Variants in ARHGAP21 observed in about 807,000 individuals in gnomAD.
The protein encoded by ARHGAP21 is rho GTPase-activating protein 21.
In ARHGAP21, 38 loss-of-function variants were observed where a neutral mutation model predicts 164.6. The ratio of observed to expected loss-of-function variants is 0.23; its 90% CI spans 0.18 to 0.30. The LOEUF (loss-of-function observed/expected upper bound fraction) is 0.30. ARHGAP21 is among the 10% of genes least tolerant of loss of function. ARHGAP21 has a pLI of 1.00. For synonymous variants in ARHGAP21, 766 were observed against 857.9 expected, an observed-to-expected ratio of 0.89 and a Z score of 1.87; for missense variants, 1,822 against 2,370.7, an observed-to-expected ratio of 0.77 and a Z score of 4.81.
At chr10:24,617,826 T>C (rs1286735457) in intron 9 of ARHGAP21, among the ~76,000 whole-genome samples, 1 of 152,118 alleles carries the variant, frequency 6.6e-6, no homozygotes, top group Admixed American at 6.5e-5. Context: ...AAGAGAAGCA[T>C]ATTATATTGT....
At chr10:24,690,214 T>C (rs1456081625) in intron 2 of ARHGAP21, among the ~76,000 whole-genome samples, 1 of 152,186 alleles carries the variant, frequency 6.6e-6, no homozygotes, top group Admixed American at 6.5e-5. Flanking sequence ...GACCAGTGTC[T>C]ATGAAAAACC....
At chr10:24,645,468 C>T (rs1024913697) in intron 4 of ARHGAP21, among the ~76,000 whole-genome samples, 2 of 151,876 alleles carry the variant, frequency 1.3e-5, no homozygotes, top group African/African-American at 2.4e-5. Flanking sequence ...CCTGTAGTCC[C>T]AGCTACTAGG....
chr10:24,587,662 A>G (rs1424703268), intron 25 of ARHGAP21, among the ~76,000 whole-genome samples: 1 of 152,176 alleles, frequency 6.6e-6, no homozygotes, highest in Non-Finnish European at 1.5e-5. Context: ...TGGGCTCTCA[A>G]TTGGGAGACC....
At chr10:24,707,976 T>C (rs796269593) in intron 2 of ARHGAP21, among the ~76,000 whole-genome samples, 3 of 152,344 alleles carry the variant, frequency 2.0e-5, no homozygotes, top group African/African-American at 7.2e-5. Flanking sequence ...TCTGCCTGTA[T>C]ACAGCAGTGT....
chr10:24,705,706 CTTG>C (rs1844160695), intron 2 of ARHGAP21, among the ~76,000 whole-genome samples: 1 of 152,264 alleles, frequency 6.6e-6, no homozygotes, highest in African/African-American at 2.4e-5. Flanking sequence ...TATTAAATAA[CTTG>C]TTTTTAGTAA....
chr10:24,608,040 AT>A, intron 9 of ARHGAP21, 137 bp from the exon 10 acceptor site: 1 of 673,702 alleles, frequency 1.5e-6, no homozygotes, highest in Non-Finnish European at 2.3e-6. Flanking sequence ...TAAATGACCT[AT>A]TCAGTCTGCT....
At chr10:24,630,623 C>T (rs1195386631) in intron 6 of ARHGAP21, among the ~76,000 whole-genome samples, 2 of 152,138 alleles carry the variant, frequency 1.3e-5, no homozygotes, top group Non-Finnish European at 2.9e-5. Context: ...TCCCAAGTAG[C>T]TGGGACTACA....
rs1485607617 is a variant in ARHGAP21 at position 24,635,025 on chromosome 10, G to C, written c.347C>G (p.Ala116Gly). Residue 116 changes from alanine (A) to glycine (G), a missense_variant, in exon 5 of 26, where the codon GCT becomes GGT. Around this residue, in one of 5 missense-constraint regions of ARHGAP21, gnomAD observed 1,090 missense variants for 1,378.9 expected, o/e 0.79. Transcript: ENST00000396432. ...AATATCAGCACCTGTACATAATCCA[G>C]CTTCAAAAGCAGGTCCTCCTTCTTT... ...QVKEGGPAFE[A>G]GLCTGDRIIK... The C allele has an allele frequency of 1.3e-6, 2 of 1,593,454 alleles. No homozygotes were observed. The highest frequency in any genetic ancestry group is 1.4e-5 in the African/African-American group (1 of 73,990).
intron 2 of ARHGAP21, among the ~76,000 whole-genome samples, chr10:24,689,944 ATATG>A (rs1239016534): frequency 1.7e-3 from 12 of 6,942 alleles, no homozygotes; most frequent in African/African-American, 0.013. Context: ...GTATATATGT[ATATG>A]TGTGTGTGTG....
intron 2 of ARHGAP21, among the ~76,000 whole-genome samples, chr10:24,684,930 C>A (rs184640437): frequency 6.6e-6 from 1 of 152,270 alleles, no homozygotes; most frequent in Non-Finnish European, 1.5e-5. Flanking sequence ...TGAGCCACCG[C>A]GCCCGGCCTA....
intron 14 of ARHGAP21, among the ~76,000 whole-genome samples, chr10:24,600,002 G>A (rs766802533): frequency 3.2e-4 from 49 of 151,916 alleles, no homozygotes; most frequent in Non-Finnish European, 2.1e-4. Context: ...GCATGGTGAC[G>A]GCTGCCTGTC....
rs1313390379 is a variant in ARHGAP21 at position 24,583,782 on chromosome 10, C to T, written c.*630G>A. 1 of 152,614 alleles carries T rather than the reference C, an allele frequency of 6.6e-6. No individual in the cohort carries two copies. Among genetic ancestry groups the T allele is most frequent in the Non-Finnish European group, 1.5e-5 (1 of 68,030 alleles). 9.5% of individuals were successfully genotyped at this position (152,614 alleles called of 1,614,324 possible). The stretch of plus-strand genomic sequence containing the variant: ...CCTATGTTACAACATTATATCAAAT[C>T]TGGTATCTGAAGAAAAGATACACAT... On this transcript the variant is annotated 3_prime_UTR_variant, in exon 26 of 26. Coordinates refer to ENST00000396432, the MANE Select transcript of ARHGAP21 (RefSeq NM_020824.4).
Position 24,621,100 on chromosome 10 carries a change from A to G in ARHGAP21, c.795T>C (p.Cys265=), listed in dbSNP as rs1314429350. The G allele has an allele frequency of 6.2e-7, 1 of 1,613,870 alleles. No homozygotes were observed. The highest frequency in any genetic ancestry group is 1.1e-5 in the South Asian group (1 of 91,064). Residue 265 remains cysteine (C), a synonymous_variant, in exon 9 of 26, where the codon TGT becomes TGC. Coordinates refer to ENST00000396432, the MANE Select transcript of ARHGAP21 (RefSeq NM_020824.4). ...CAGTCCTTACACTTTCATTGCAAAC[A>G]CACACTGCTGTGTTTGATTTTGCAA... The part of the protein sequence containing the change: ...TDVAKSNTAV[C]VCNESVRTVI...
intron 9 of ARHGAP21, among the ~76,000 whole-genome samples, chr10:24,614,973 G>A (rs771843394): frequency 6.6e-4 from 100 of 151,790 alleles, no homozygotes; most frequent in Non-Finnish European, 8.4e-4. Flanking sequence ...GATCACCTGA[G>A]GTCAGGAGTT....
At chr10:24,604,243 T>A in intron 12 of ARHGAP21, 69 bp downstream of exon 12, 1 of 1,038,176 alleles carries the variant, frequency 9.6e-7, no homozygotes, top group Non-Finnish European at 1.4e-6. Flanking sequence ...ATTAAATGTC[T>A]ACTGGGTAAA....
intron 2 of ARHGAP21, among the ~76,000 whole-genome samples, chr10:24,713,634 T>C (rs546548630): frequency 1.9e-4 from 29 of 151,774 alleles, no homozygotes; most frequent in African/African-American, 7.0e-4. Flanking sequence ...AAGTTTCTTT[T>C]TTTCTTTTTT....
intron 2 of ARHGAP21, among the ~76,000 whole-genome samples, chr10:24,702,165 C>T (rs1843735662): frequency 7.8e-6 from 1 of 128,472 alleles, no homozygotes; most frequent in South Asian, 2.7e-4. Context: ...GAGTCTTGCT[C>T]TGTCGTCCAG....
chr10:24,622,911 C>A, intron 7 of ARHGAP21, 149 bp from the exon 8 acceptor site: 1 of 648,172 alleles, frequency 1.5e-6, no homozygotes. Context: ...GGCAGTGAAG[C>A]ATAAAGAATA....
intron 13 of ARHGAP21, 39 bp downstream of exon 13, chr10:24,601,939 G>A (rs1452481155): frequency 1.4e-6 from 2 of 1,480,818 alleles, no homozygotes; most frequent in Non-Finnish European, 1.8e-6. Context: ...GTCAGGGTCT[G>A]CATTTCTGAC....
Sources: allele counts gnomAD v4.1 joint callset (sites outside exome capture counted in the v4.1 genomes callset), GRCh38; gene constraint gnomAD v4.1.1; regional missense constraint gnomAD v4.1.1; transcripts MANE v1.5; gene names NCBI Gene and HGNC (gene_info 2026-07-23, HGNC 2026-07-21).